The following LDLRAD4 variants were observed in gnomAD, a reference collection of about 807,000 sequenced individuals.
The protein encoded by LDLRAD4 is low density lipoprotein receptor class A domain containing 4.
A neutral mutation model predicts 17.0 loss-of-function variants in LDLRAD4; 5 were observed. The observed-to-expected ratio is 0.29, with a 90% CI of 0.15 to 0.62. The LOEUF (loss-of-function observed/expected upper bound fraction) is 0.62, where lower values mean the gene tolerates loss of function less well. LDLRAD4 is among the 20% of genes least tolerant of loss of function. The pLI, the probability that LDLRAD4 is intolerant of heterozygous loss-of-function variation, is 0.84. For missense variants in LDLRAD4, 340 were observed against 424.7 expected, an observed-to-expected ratio of 0.80 and a Z score of 1.75; for synonymous variants, 168 against 171.8, an observed-to-expected ratio of 0.98 and a Z score of 0.17.
intron 3 of LDLRAD4, among the ~76,000 whole-genome samples, chr18:13,604,936 G>A (rs2095206336): frequency 6.6e-6 from 1 of 152,118 alleles, no homozygotes; most frequent in Admixed American, 6.5e-5. Flanking sequence ...AGTAGGTGCT[G>A]CTTCCAGAAT....
intron 3 of LDLRAD4, among the ~76,000 whole-genome samples, chr18:13,480,383 TAAG>T (rs1213131023): frequency 3.3e-5 from 5 of 152,114 alleles, no homozygotes; most frequent in African/African-American, 9.7e-5. Flanking sequence ...GTAGAGATAG[TAAG>T]AAGATCATTG....
intron 1 of LDLRAD4, among the ~76,000 whole-genome samples, chr18:13,323,771 T>G (rs1461220566): frequency 6.6e-6 from 1 of 152,222 alleles, no homozygotes. Context: ...GTATTTTTCC[T>G]TGGTGAACAT....
intron 3 of LDLRAD4, among the ~76,000 whole-genome samples, chr18:13,528,802 C>T (rs187162414): frequency 2.6e-5 from 4 of 152,340 alleles, no homozygotes; most frequent in Admixed American, 2.0e-4. Context: ...TCCTGCATAG[C>T]AGCGTTCCCC....
At chr18:13,499,100 CCTT>C (rs1310145593) in intron 3 of LDLRAD4, among the ~76,000 whole-genome samples, 2 of 148,756 alleles carry the variant, frequency 1.3e-5, no homozygotes, top group Non-Finnish European at 3.0e-5. Context: ...ACTGGAGAAT[CCTT>C]CTCACCACAC....
At position 13,369,193 on chromosome 18, in the gene LDLRAD4, A is replaced by G. The variant is rs534736876; in HGVS notation, c.-382-18148A>G. Among the ~76,000 whole-genome samples, 36 of 152,302 alleles carry G rather than the reference A, an allele frequency of 2.4e-4. No homozygotes were observed. The South Asian group carries it at 7.5e-3, about 32-fold the overall frequency. ...GACGTGGGAACTGATCATAGCGACC[A>G]CTTACTCACCTTCTTAGGGTGATCT... On this transcript the variant is annotated intron_variant, in intron 1 of 5. Coordinates refer to ENST00000359446, the Ensembl canonical transcript of LDLRAD4.
intron 2 of LDLRAD4, among the ~76,000 whole-genome samples, chr18:13,422,396 G>A (rs1420452708): frequency 6.6e-6 from 1 of 152,204 alleles, no homozygotes; most frequent in Non-Finnish European, 1.5e-5. Flanking sequence ...GCAAATATAT[G>A]CTTGTTAAAA....
At chr18:13,294,012 C>G (rs1358670033) in intron 1 of LDLRAD4, among the ~76,000 whole-genome samples, 1 of 152,178 alleles carries the variant, frequency 6.6e-6, no homozygotes, top group African/African-American at 2.4e-5. Context: ...GCAGATTTGT[C>G]TCAGTGGTTC....
chr18:13,447,894 C>T (rs2091527338), intron 3 of LDLRAD4, among the ~76,000 whole-genome samples: 1 of 152,084 alleles, frequency 6.6e-6, no homozygotes, highest in Non-Finnish European at 1.5e-5. Context: ...CAATGAGACG[C>T]CGGCTTAAGT....
intron 1 of LDLRAD4, among the ~76,000 whole-genome samples, chr18:13,262,039 C>A (rs940435547): frequency 1.6e-5 from 2 of 125,654 alleles, no homozygotes; most frequent in Admixed American, 1.6e-4. Flanking sequence ...TGGCTCTGTG[C>A]ATGGAAACTG....
rs115865320 is a variant in LDLRAD4 at position 13,630,012 on chromosome 18, A to T, written c.336+8741A>T. Among the ~76,000 whole-genome samples, 988 of 152,310 alleles carry T rather than the reference A, an allele frequency of 6.5e-3. 11 individuals carry two copies. The highest frequency in any genetic ancestry group is 0.022 in the African/African-American group (934 of 41,570). ...GCCTGCCTGGATCTTGTGTGGTTCCACATTTTCCTGCTGCCTGGAACTTTC... is the reference window on the plus strand; with the variant it reads ...GCCTGCCTGGATCTTGTGTGGTTCCTCATTTTCCTGCTGCCTGGAACTTTC... On this transcript the variant is annotated intron_variant, in intron 4 of 5. Coordinates refer to ENST00000359446, the Ensembl canonical transcript of LDLRAD4.
intron 1 of LDLRAD4, among the ~76,000 whole-genome samples, chr18:13,247,955 C>CAA (rs372189310): frequency 1.5e-5 from 2 of 130,246 alleles, no homozygotes; most frequent in Non-Finnish European, 3.1e-5. Flanking sequence ...AGCGCCGCCC[C>CAA]CCGCCTTTTT....
chr18:13,365,384 C>T (rs974460257), intron 1 of LDLRAD4, among the ~76,000 whole-genome samples: 16 of 152,210 alleles, frequency 1.1e-4, no homozygotes, highest in African/African-American at 3.6e-4. Context: ...TGAACCAAGA[C>T]AGCTGAGTCT....
intron 3 of LDLRAD4, among the ~76,000 whole-genome samples, chr18:13,467,171 A>C (rs1050669408): frequency 6.6e-6 from 1 of 152,252 alleles, no homozygotes; most frequent in Non-Finnish European, 1.5e-5. Context: ...AAAAAGAAAT[A>C]AAAGGCATCC....
At chr18:13,272,685 G>A (rs192048302) in intron 1 of LDLRAD4, among the ~76,000 whole-genome samples, 8 of 152,314 alleles carry the variant, frequency 5.3e-5, no homozygotes, top group African/African-American at 1.7e-4. Flanking sequence ...AGGCTGCTGC[G>A]GGGACAGAGG....
intron 1 of LDLRAD4, among the ~76,000 whole-genome samples, chr18:13,220,411 C>G (rs1262243564): frequency 5.3e-5 from 8 of 152,146 alleles, no homozygotes; most frequent in Non-Finnish European, 1.2e-4. Flanking sequence ...CTCTTCCCGG[C>G]AGGTTTTTAG....
At chr18:13,223,038 T>G (rs2041550249) in intron 1 of LDLRAD4, among the ~76,000 whole-genome samples, 1 of 152,234 alleles carries the variant, frequency 6.6e-6, no homozygotes, top group South Asian at 2.1e-4. Flanking sequence ...CTGGGCAATT[T>G]GGAAGCTCAG....
intron 3 of LDLRAD4, among the ~76,000 whole-genome samples, chr18:13,581,147 T>C (rs1473747350): frequency 6.6e-6 from 1 of 152,262 alleles, no homozygotes; most frequent in Non-Finnish European, 1.5e-5. Context: ...GGTAATTTTA[T>C]GCAGTGCGTA....
rs777077078 is a variant in LDLRAD4, at chr18:13,233,957, GC to G, written c.-467+14972del. ...ATTCCAGTCACCAGCATCCTTGTCTGCCCGTGGTTCAGGCCACACATCTCAG... is the reference window on the plus strand; with the variant it reads ...ATTCCAGTCACCAGCATCCTTGTCTGCCGTGGTTCAGGCCACACATCTCAG... On this transcript the variant is annotated intron_variant, in intron 1 of 5. Transcript: ENST00000399848. Among the ~76,000 whole-genome samples the G allele has an allele frequency of 2.0e-4, 30 of 152,030 alleles. 1 individual carries two copies.
chr18:13,572,085 CAT>C (rs756058305), intron 3 of LDLRAD4, among the ~76,000 whole-genome samples: 14 of 152,294 alleles, frequency 9.2e-5, no homozygotes, highest in East Asian at 1.9e-4. Flanking sequence ...AATGAAATGA[CAT>C]GTGACAAAAT....
Sources: gnomAD v4.1 joint callset for allele counts (sites outside exome capture counted in the v4.1 genomes callset) on GRCh38, gnomAD v4.1.1 for gene constraint, MANE v1.5 for transcripts, NCBI Gene and HGNC (gene_info 2026-07-23, HGNC 2026-07-21) for gene names.